Variants in SLC12A5 observed in about 807,000 individuals in gnomAD.
SLC12A5 encodes K-Cl cotransporter 2.
In SLC12A5, 18 loss-of-function variants were observed where a neutral mutation model predicts 124.0. The observed-to-expected ratio is 0.15, with a 90% CI of 0.10 to 0.22. SLC12A5 has a LOEUF of 0.22. SLC12A5 is among the 10% of genes least tolerant of loss of function. The pLI is 1.00. For synonymous variants in SLC12A5, 589 were observed against 568.0 expected, an observed-to-expected ratio of 1.04 and a Z score of -0.53; for missense variants, 867 against 1,478.7, an observed-to-expected ratio of 0.59 and a Z score of 6.78.
At chr20:46,025,753 G>A (rs368941797), upstream of SLC12A5, among the ~76,000 whole-genome samples, 2 of 152,278 alleles carry the variant, frequency 1.3e-5, no homozygotes, top group East Asian at 3.9e-4. Context: ...CGTGCTTTGC[G>A]CTGGACTCAT....
At chr20:46,030,674 G>T (rs548635513) in intron 1 of SLC12A5, among the ~76,000 whole-genome samples, 8 of 152,350 alleles carry the variant, frequency 5.3e-5, no homozygotes, top group African/African-American at 1.9e-4. Context: ...GGCGCCTAGG[G>T]CTGAAAGAGC....
At chr20:46,033,219 C>T (rs140415685) in intron 1 of SLC12A5, among the ~76,000 whole-genome samples, 3 of 152,184 alleles carry the variant, frequency 2.0e-5, no homozygotes, top group Non-Finnish European at 2.9e-5. Context: ...ATGGGGAAGA[C>T]GCAGACGGAT....
At chr20:46,049,558 G>A in intron 16 of SLC12A5, 64 bp from the exon 17 acceptor site, 1 of 1,545,712 alleles carries the variant, frequency 6.5e-7, no homozygotes, top group South Asian at 1.2e-5. Context: ...CTGGTGGTGG[G>A]TGTATGGTGT....
intron 1 of SLC12A5, chr20:46,022,802 T>C (rs1224339755): frequency 2.5e-6 from 1 of 398,912 alleles, no homozygotes; most frequent in Middle Eastern, 6.2e-4. Context: ...AAGATCCTTC[T>C]GGCCTTCGGT....
At chr20:46,050,554 G>A (rs1170308567) in intron 17 of SLC12A5, among the ~76,000 whole-genome samples, 1 of 6,436 alleles carries the variant, frequency 1.6e-4, no homozygotes, top group Non-Finnish European at 7.3e-4. Context: ...GGTGAGATGG[G>A]GAGGGGCACC....
At position 46,045,770 on chromosome 20, in the gene SLC12A5, C is replaced by A; in HGVS notation, c.1570-108C>A. The A allele has an allele frequency of 1.2e-6, 1 of 819,594 alleles. No individual in the cohort carries two copies. Among genetic ancestry groups the A allele is most frequent in the Non-Finnish European group, 2.0e-6 (1 of 502,736 alleles). 50.8% of individuals were successfully genotyped at this position (819,594 alleles called of 1,614,324 possible). A position where few individuals can be genotyped will look rare whatever the true frequency, so the allele number is the denominator to read the frequency against. On this transcript the variant is annotated intron_variant, in intron 12 of 25. Coordinates refer to ENST00000243964, the MANE Select transcript of SLC12A5 (RefSeq NM_020708.5). The surrounding 1 kb of genome is among the most constrained non-coding windows in gnomAD (Gnocchi z 4.9). ...GAGAAATGCATCCTCTCCCTTCCTCCTCTTTGGTGATAGGATTCCTGCCTC... is the reference window on the plus strand; with the variant it reads ...GAGAAATGCATCCTCTCCCTTCCTCATCTTTGGTGATAGGATTCCTGCCTC...
chr20:46,043,567 T>G (rs1348932858), intron 9 of SLC12A5, 66 bp from the exon 10 acceptor site: 2 of 1,539,828 alleles, frequency 1.3e-6, no homozygotes, highest in African/African-American at 1.4e-5. Flanking sequence ...GGTGGTGCCC[T>G]TTTTTCTCAT....
chr20:46,042,432 A>G (rs1220043216), intron 8 of SLC12A5, among the ~76,000 whole-genome samples: 1 of 151,972 alleles, frequency 6.6e-6, no homozygotes, highest in Non-Finnish European at 1.5e-5. Flanking sequence ...AGAGTGATGG[A>G]ATGATGTCTG....
At chr20:46,051,982 C>A in intron 18 of SLC12A5, 112 bp downstream of exon 18, 2 of 940,366 alleles carry the variant, frequency 2.1e-6, no homozygotes, top group Non-Finnish European at 1.5e-6. Context: ...CACTGCGTGC[C>A]AAGTGTGGAT....
chr20:46,047,633 GAGGGA>G (rs760565230), intron 15 of SLC12A5, 60 bp downstream of exon 15: 44 of 1,584,022 alleles, frequency 2.8e-5, no homozygotes, highest in Non-Finnish European at 3.7e-5. Flanking sequence ...GTGGGAAGGA[GAGGGA>G]AGGGGTCATG....
Position 46,051,662 on chromosome 20 carries a change from C to T in SLC12A5, c.2182-13C>T. 2 of 1,598,576 alleles carry T rather than the reference C, an allele frequency of 1.3e-6. No individual in the cohort carries two copies. The highest frequency in any genetic ancestry group is 8.5e-7 in the Non-Finnish European group (1 of 1,174,554). On this transcript the variant is annotated splice_polypyrimidine_tract_variant and intron_variant, in intron 17 of 25. Coordinates refer to ENST00000243964, the MANE Select transcript of SLC12A5 (RefSeq NM_020708.5). The stretch of plus-strand genomic sequence containing the variant: ...GGCCTGAGGCTGGTCCTTGTCTTTT[C>T]CCCCTCCCCTAGTCTATCAGGCGCC...
chr20:46,035,207 A>G, intron 2 of SLC12A5, 165 bp downstream of exon 2: 2 of 984,880 alleles, frequency 2.0e-6, no homozygotes, highest in Non-Finnish European at 3.1e-6. Context: ...CCTGGGATTT[A>G]CTCCCTCTGC....
At chr20:46,024,052 A>G (rs2084376991), downstream of SLC12A5, among the ~76,000 whole-genome samples, 1 of 151,872 alleles carries the variant, frequency 6.6e-6, no homozygotes, top group South Asian at 2.1e-4. Context: ...TACTCACACT[A>G]CTTCGCTGGG....
chr20:46,045,669 T>C lies in SLC12A5; in HGVS notation c.1570-209T>C, dbSNP rs77887248. 2.6e-3 allele frequency among the ~76,000 whole-genome samples: 395 copies of C among 152,276 alleles called. 3 individuals carry two copies. The highest frequency in any genetic ancestry group is 8.8e-3 in the African/African-American group (366 of 41,560). On this transcript the variant is annotated intron_variant, in intron 12 of 25. Coordinates refer to ENST00000243964, the MANE Select transcript of SLC12A5 (RefSeq NM_020708.5). The surrounding 1 kb of genome is among the most constrained non-coding windows in gnomAD (Gnocchi z 4.9). ...CCCTCTAGGGATCATTTGAACTTCA[T>C]GGCACTGGGGTGCCGATCTCAGGGT...
chr20:46,021,916 G>A lies in SLC12A5; in HGVS notation c.48+30G>A, dbSNP rs975553411. The A allele has an allele frequency of 2.3e-5, 34 of 1,487,620 alleles. No individual in the cohort carries two copies. In the African/African-American group the frequency reaches 4.5e-4, roughly 20 times the overall value. The allele number at this position is 1,487,620 out of a possible 1,614,324, so 92.2% of individuals were successfully genotyped here. A position where few individuals can be genotyped will look rare whatever the true frequency, so the allele number is the denominator to read the frequency against. ...AGGCCGCAGGGGGCGGGGCCTGCCAGGGCCGGGCGGGACGAGGGGGAGGGG... is the reference window on the plus strand; with the variant it reads ...AGGCCGCAGGGGGCGGGGCCTGCCAAGGCCGGGCGGGACGAGGGGGAGGGG... On this transcript the variant is annotated intron_variant, in intron 1 of 2. Coordinates refer to the SLC12A5 transcript ENST00000413737.
intron 9 of SLC12A5, 35 bp from the exon 10 acceptor site, chr20:46,043,598 C>G: frequency 6.2e-7 from 1 of 1,609,720 alleles, no homozygotes; most frequent in Non-Finnish European, 8.5e-7. Context: ...TCCTGTGGCC[C>G]TGGCTTGAGT....
At chr20:46,052,269 T>A (rs767147702) in intron 18 of SLC12A5, among the ~76,000 whole-genome samples, 1 of 152,258 alleles carries the variant, frequency 6.6e-6, no homozygotes, top group Non-Finnish European at 1.5e-5. Flanking sequence ...ATAGTATATA[T>A]AATAACTAAC....
rs745527673 is a variant in SLC12A5 at position 46,049,683 on chromosome 20, C to T, written c.2074C>T (p.Leu692Phe). Reference protein sequence around the residue: ...QDQNVVHPQLLSLTSQLKAGK... With the variant: ...QDQNVVHPQLFSLTSQLKAGK... The stretch of plus-strand genomic sequence containing the variant: ...CCAGAATGTGGTGCACCCCCAGCTG[C>T]TCTCACTGACCTCCCAGCTGAAGGC... Residue 692 changes from leucine to phenylalanine, a missense_variant, in exon 17 of 26, where the codon CTC becomes TTC. Physicochemically the swap from Leu to Phe is conservative, Grantham distance 22 (BLOSUM62 0). Around this residue, in one of 9 missense-constraint regions of SLC12A5, gnomAD observed 38 missense variants for 36.2 expected, o/e 1.05. Transcript: ENST00000243964. 13 of 1,606,236 alleles carry T rather than the reference C, an allele frequency of 8.1e-6. No individual in the cohort carries two copies. The South Asian group carries it at 1.5e-4, about 18-fold the overall frequency.
At chr20:46,022,496 G>C (rs2084364124) in intron 1 of SLC12A5, among the ~76,000 whole-genome samples, 1 of 152,148 alleles carries the variant, frequency 6.6e-6, no homozygotes, top group East Asian at 1.9e-4. Context: ...CTCGGTGCCT[G>C]GCGGATCCTC....
Sources: gnomAD v4.1 joint callset for allele counts (sites outside exome capture counted in the v4.1 genomes callset) on GRCh38, gnomAD v4.1.1 for gene constraint, gnomAD v4.1.1 regional missense constraint, Gnocchi (gnomAD v3.1) non-coding constraint, MANE v1.5 for transcripts, NCBI Gene and HGNC (gene_info 2026-07-23, HGNC 2026-07-21) for gene names.